Variants in NOL9 observed in about 807,000 individuals in gnomAD.
NOL9 encodes nucleolar protein 9, also known as polynucleotide 5'-hydroxyl-kinase NOL9.
A neutral mutation model predicts 67.9 loss-of-function variants in NOL9; 28 were observed. That is an observed-to-expected ratio of 0.41 (90% CI 0.31 to 0.57). The LOEUF (loss-of-function observed/expected upper bound fraction) is 0.57. NOL9 is among the 20% of genes least tolerant of loss of function. The pLI, the probability that NOL9 is intolerant of heterozygous loss-of-function variation, is 0.25. For missense variants in NOL9, 777 were observed against 897.0 expected, an observed-to-expected ratio of 0.87 and a Z score of 1.71; for synonymous variants, 356 against 352.2, an observed-to-expected ratio of 1.01 and a Z score of -0.12.
chr1:6,538,258 A>C (rs933874078), intron 6 of NOL9, among the ~76,000 whole-genome samples: 4 of 152,194 alleles, frequency 2.6e-5, no homozygotes, highest in Non-Finnish European at 5.9e-5. Flanking sequence ...GCAAAAAAAC[A>C]ACCTACAGAA....
At position 6,544,906 on chromosome 1, in the gene NOL9, G is replaced by C; in HGVS notation, c.897C>G (p.Cys299Trp). ...GGGATCCACAAACTAGAATGACAGG[G>C]CAGCCATCTACTTCTTCTGAATGGG... ...VNVSCEEVDGCPVILVCGSQD... is the reference protein window; with the variant it reads ...VNVSCEEVDGWPVILVCGSQD... Residue 299 changes from cysteine to tryptophan, a missense_variant, in exon 5 of 12, where the codon TGC (cysteine) becomes TGG (tryptophan). Cys to Trp is a radical substitution (Grantham distance 215). Coordinates refer to ENST00000377705, the MANE Select transcript of NOL9 (RefSeq NM_024654.5). 6.2e-7 allele frequency: 1 copy of C among 1,614,168 alleles called. No individual in the cohort carries two copies. The highest frequency in any genetic ancestry group is 1.1e-5 in the South Asian group (1 of 91,082).
intron 1 of NOL9, among the ~76,000 whole-genome samples, chr1:6,552,047 A>G (rs1446885463): frequency 6.6e-6 from 1 of 152,174 alleles, no homozygotes; most frequent in Non-Finnish European, 1.5e-5. Context: ...AAAAAAAGAA[A>G]GAAAATCAAA....
rs1388001176 is a variant in NOL9 at position 6,535,443 on chromosome 1, G to A, written c.1076-2002C>T. 2.6e-5 allele frequency among the ~76,000 whole-genome samples: 4 copies of A among 152,306 alleles called. No homozygotes were observed. The East Asian group carries it at 5.8e-4, about 22-fold the overall frequency. ...AGGATGGAGCCATGGAGTAGCCAGG[G>A]TCAGTACAGCTGGAGAGCCCAGGCC... On this transcript the variant is annotated intron_variant, in intron 6 of 11. Transcript: ENST00000377705.
rs749222962 is a variant in NOL9 at position 6,529,124 on chromosome 1, G to A, written c.1695C>T (p.Ala565=). ...VALRITHSDV[A]PTHILYAVNA... is the part of the protein sequence containing the mutation. ...TTACAGCATATAGTATATGGGTAGG[G>A]GCGACATCAGAGTGGGTAATCCGGA... Residue 565 remains alanine (A), a synonymous_variant, in exon 10 of 12, where the codon GCC becomes GCT. Coordinates refer to ENST00000377705, the MANE Select transcript of NOL9 (RefSeq NM_024654.5). 6.2e-7 allele frequency: 1 copy of A among 1,613,950 alleles called. No individual in the cohort carries two copies. The highest frequency in any genetic ancestry group is 1.3e-5 in the African/African-American group (1 of 74,900).
In NOL9 at chr1:6,554,441, C is replaced by T. The variant is rs771756756; in HGVS notation, c.62G>A (p.Arg21His). The T allele has an allele frequency of 1.9e-6, 3 of 1,549,524 alleles. No homozygotes were observed. The highest frequency in any genetic ancestry group is 2.2e-4 in the Middle Eastern group (1 of 4,592). ...GSCRSTWLRV[R>H]KARPQLILSR... ...GAGGATGAGCTGGGGCCGGGCCTTG[C>T]GGACCCGCAGCCAAGTGGAACGGCA... The change falls in exon 1 of 12, where the codon CGC (arginine) becomes CAC (histidine). Residue 21 changes from arginine to histidine, a missense_variant. Arg to His is a conservative substitution (Grantham distance 29). Around this residue, in one of 2 missense-constraint regions of NOL9, gnomAD observed 364 missense variants for 344.4 expected, o/e 1.06. Transcript: ENST00000377705.
chr1:6,533,936 G>A (rs1278626936), intron 6 of NOL9, among the ~76,000 whole-genome samples: 1 of 151,086 alleles, frequency 6.6e-6, no homozygotes, highest in Non-Finnish European at 1.5e-5. Flanking sequence ...TGCCCAGGCT[G>A]GACTGCAATG....
chr1:6,554,005 A>G (rs1474420544), intron 1 of NOL9, 102 bp downstream of exon 1: 12 of 953,904 alleles, frequency 1.3e-5, no homozygotes, highest in Non-Finnish European at 1.8e-5. Flanking sequence ...GCCAGAGAAC[A>G]GGCCCGGGGG....
At chr1:6,528,291 A>T (rs182468263) in intron 10 of NOL9, among the ~76,000 whole-genome samples, 1 of 152,354 alleles carries the variant, frequency 6.6e-6, no homozygotes, top group Non-Finnish European at 1.5e-5. Flanking sequence ...GCCTGGGTTC[A>T]GGTCATTCCT....
Position 6,543,644 on chromosome 1 carries a change from T to C in NOL9, c.977+1182A>G, listed in dbSNP as rs555359530. Among the ~76,000 whole-genome samples the C allele has an allele frequency of 2.0e-5, 3 of 152,274 alleles. No individual in the cohort carries two copies. In the East Asian group the frequency reaches 5.8e-4, roughly 29 times the overall value. On this transcript the variant is annotated intron_variant, in intron 5 of 11. Transcript: ENST00000377705. ...CCTCCCAAAGTGCTGCGACTGCAGA[T>C]GTAAGCCACCATAACCCACCTCTGT... is the stretch of plus-strand genomic sequence containing the variant.
intron 3 of NOL9, among the ~76,000 whole-genome samples, chr1:6,546,311 T>C (rs1190542968): frequency 6.6e-6 from 1 of 152,146 alleles, no homozygotes; most frequent in Non-Finnish European, 1.5e-5. Context: ...AACATTCACT[T>C]TCAGTAACCA....
At chr1:6,544,544 C>CGCACA (rs61278197) in intron 5 of NOL9, among the ~76,000 whole-genome samples, 7,896 of 118,598 alleles carry the variant, frequency 0.067, 374 homozygotes, top group Admixed American at 0.083. Context: ...CACACACGCA[C>CGCACA]CCCCCCCCCG....
intron 11 of NOL9, 146 bp downstream of exon 11, chr1:6,526,550 G>C: frequency 1.3e-6 from 1 of 781,362 alleles, no homozygotes; most frequent in Admixed American, 2.8e-5. Flanking sequence ...AGGCGGCCCT[G>C]ACACCGTCTC....
At chr1:6,528,748 G>A (rs1047393434) in intron 10 of NOL9, among the ~76,000 whole-genome samples, 6 of 152,194 alleles carry the variant, frequency 3.9e-5, no homozygotes, top group Middle Eastern at 3.2e-3. Flanking sequence ...GAGAAGTGTC[G>A]AGCAAGAAGA....
chr1:6,535,624 GTTTATT>G (rs1219072805), intron 6 of NOL9, among the ~76,000 whole-genome samples: 5 of 152,082 alleles, frequency 3.3e-5, no homozygotes, highest in East Asian at 3.9e-4. Flanking sequence ...TCTTGTTTTT[GTTTATT>G]TTTAAGACAG....
chr1:6,543,494 C>CT (rs1553183833), intron 5 of NOL9, among the ~76,000 whole-genome samples: 3 of 152,070 alleles, frequency 2.0e-5, no homozygotes, highest in South Asian at 2.1e-4. Context: ...TGCGCCCAGG[C>CT]TTTATTTATT....
chr1:6,550,371 T>A (rs758493940), intron 2 of NOL9, 25 bp downstream of exon 2: 1 of 1,597,514 alleles, frequency 6.3e-7, no homozygotes, highest in African/African-American at 1.3e-5. Context: ...AGGCCCTCAG[T>A]AAATTACCCA....
rs1335193106 is a variant in NOL9 at position 6,521,617 on chromosome 1, C to T, written c.*4237G>A. 1 of 152,174 alleles carries T rather than the reference C, an allele frequency of 6.6e-6. No individual in the cohort carries two copies. Among genetic ancestry groups the T allele is most frequent in the Non-Finnish European group, 1.5e-5 (1 of 68,028 alleles). The allele number at this position is 152,174 out of a possible 1,614,324, so 9.4% of individuals were successfully genotyped here. A position where few individuals can be genotyped will look rare whatever the true frequency, so the allele number is the denominator to read the frequency against. On this transcript the variant is annotated 3_prime_UTR_variant, in exon 12 of 12. Transcript: ENST00000377705. ...TCTATGGTGGCCGTGGAGCTTGCTT[C>T]CTCAAGGGCTCTTTGACCACAGGAA...
chr1:6,550,911 G>A (rs1425057548), intron 1 of NOL9, among the ~76,000 whole-genome samples: 1 of 151,918 alleles, frequency 6.6e-6, no homozygotes, highest in Non-Finnish European at 1.5e-5. Flanking sequence ...TTGAACTCCC[G>A]ACCTCAGGTG....
At chr1:6,535,882 C>T (rs1387060810) in intron 6 of NOL9, among the ~76,000 whole-genome samples, 3 of 148,458 alleles carry the variant, frequency 2.0e-5, no homozygotes, top group African/African-American at 7.5e-5. Flanking sequence ...GAGCCGAGAT[C>T]GTGCTATTGC....
Sources: gnomAD v4.1 joint callset for allele counts (sites outside exome capture counted in the v4.1 genomes callset) on GRCh38, gnomAD v4.1.1 for gene constraint, gnomAD v4.1.1 regional missense constraint, MANE v1.5 for transcripts, NCBI Gene and HGNC (gene_info 2026-07-23, HGNC 2026-07-21) for gene names.